GPM6A: variants seen among roughly 807,000 people sequenced by gnomAD.
The protein encoded by GPM6A is neuronal membrane glycoprotein M6-a.
A neutral mutation model predicts 32.1 loss-of-function variants in GPM6A; 7 were observed. The observed-to-expected ratio is 0.22, with a 90% CI of 0.12 to 0.41. GPM6A has a LOEUF of 0.41. GPM6A is among the 10% of genes least tolerant of loss of function. The pLI, the probability that GPM6A is intolerant of heterozygous loss-of-function variation, is 1.00. For synonymous variants in GPM6A, 130 were observed against 123.4 expected (o/e 1.05, Z -0.35); for missense variants, 235 against 347.2 (o/e 0.68, Z 2.57).
At chr4:175,973,127 G>A (rs1740558563) in intron 1 of GPM6A, among the ~76,000 whole-genome samples, 3 of 152,256 alleles carry the variant, frequency 2.0e-5, no homozygotes, top group Middle Eastern at 6.8e-3. Flanking sequence ...AAGGTCCAGA[G>A]GATTTAACTT....
intron 1 of GPM6A, among the ~76,000 whole-genome samples, chr4:175,909,019 A>T (rs1738222393): frequency 1.0e-5 from 1 of 100,410 alleles, no homozygotes; most frequent in Non-Finnish European, 1.9e-5. Context: ...TTTTGCCACT[A>T]GAGGCAGACA....
chr4:175,690,796 C>T (rs570862451), intron 2 of GPM6A, among the ~76,000 whole-genome samples: 2 of 152,234 alleles, frequency 1.3e-5, no homozygotes, highest in Non-Finnish European at 2.9e-5. Context: ...GTCTGTTTTG[C>T]CATAAAAGGT....
chr4:175,701,239 T>C (rs937776874), intron 2 of GPM6A, among the ~76,000 whole-genome samples: 6 of 152,208 alleles, frequency 3.9e-5, no homozygotes, highest in Non-Finnish European at 7.3e-5. Flanking sequence ...GCCAGATTTG[T>C]ACCTGGCACT....
chr4:175,975,379 T>A (rs1740628469), intron 1 of GPM6A, among the ~76,000 whole-genome samples: 1 of 152,230 alleles, frequency 6.6e-6, no homozygotes, highest in South Asian at 2.1e-4. Flanking sequence ...GAGTTGCAGT[T>A]GTCTACTTGC....
chr4:175,633,168 C>G lies in GPM6A; in HGVS notation c.*1737G>C, dbSNP rs1477238706. ...GAAAAGACAGTTTTAGAAATTATCA[C>G]AAACTGTTAAGACACGGAACTGAAA... On this transcript the variant is annotated 3_prime_UTR_variant, in exon 7 of 7. Coordinates refer to ENST00000393658, the MANE Select transcript of GPM6A (RefSeq NM_201591.3). 1 of 152,396 alleles carries G rather than the reference C, an allele frequency of 6.6e-6. No individual in the cohort carries two copies. The highest frequency in any genetic ancestry group is 1.5e-5 in the Non-Finnish European group (1 of 67,886). 9.4% of individuals were successfully genotyped at this position (152,396 alleles called of 1,614,324 possible). A position where few individuals can be genotyped will look rare whatever the true frequency, so the allele number is the denominator to read the frequency against.
chr4:175,992,908 CAGTT>C (rs1365115927), intron 1 of GPM6A, among the ~76,000 whole-genome samples: 1 of 152,104 alleles, frequency 6.6e-6, no homozygotes, highest in Non-Finnish European at 1.5e-5. Flanking sequence ...CATTCTTAGA[CAGTT>C]TGTTTAACTT....
At chr4:175,804,934 A>G (rs1166681856) in intron 1 of GPM6A, among the ~76,000 whole-genome samples, 1 of 152,102 alleles carries the variant, frequency 6.6e-6, no homozygotes, top group Non-Finnish European at 1.5e-5. Context: ...AGTCCCAGCT[A>G]TTCGGGAGGC....
At chr4:175,707,318 A>G (rs1415213011) in intron 1 of GPM6A, among the ~76,000 whole-genome samples, 1 of 152,120 alleles carries the variant, frequency 6.6e-6, no homozygotes, top group Non-Finnish European at 1.5e-5. Flanking sequence ...CCAATACCAC[A>G]CTGCCTTATA....
At chr4:175,955,824 G>GT (rs529026556) in intron 1 of GPM6A, among the ~76,000 whole-genome samples, 29 of 152,256 alleles carry the variant, frequency 1.9e-4, no homozygotes, top group Admixed American at 1.4e-3. Context: ...ATGAAGCAGG[G>GT]TTTTGGAGAG....
intron 1 of GPM6A, among the ~76,000 whole-genome samples, chr4:175,881,845 G>C (rs967013322): frequency 2.0e-5 from 3 of 151,360 alleles, no homozygotes; most frequent in Non-Finnish European, 4.4e-5. Flanking sequence ...CTGTTGCAGG[G>C]TGGGAGGAGG....
At chr4:175,820,501 T>TC (rs1553992474) in intron 1 of GPM6A, among the ~76,000 whole-genome samples, 1 of 1,622 alleles carries the variant, frequency 6.2e-4, no homozygotes, top group Non-Finnish European at 2.7e-3. Flanking sequence ...CTTTTCTTTC[T>TC]TTTTTTTTTT....
intron 4 of GPM6A, among the ~76,000 whole-genome samples, chr4:175,649,144 G>A (rs1741639510): frequency 6.6e-6 from 1 of 152,100 alleles, no homozygotes; most frequent in African/African-American, 2.4e-5. Context: ...TATATCCCTG[G>A]AAAATTATTT....
chr4:175,863,167 A>T (rs1227996494), intron 1 of GPM6A, among the ~76,000 whole-genome samples: 1 of 152,176 alleles, frequency 6.6e-6, no homozygotes, highest in East Asian at 1.9e-4. Flanking sequence ...ATATTAAAAA[A>T]TCACCACACT....
intron 1 of GPM6A, among the ~76,000 whole-genome samples, chr4:175,930,434 G>GGGA (rs1738993630): frequency 1.9e-5 from 2 of 106,768 alleles, no homozygotes; most frequent in Admixed American, 1.1e-4. Context: ...TTGGGGGGGG[G>GGGA]TTTTTTTGTT....
chr4:175,751,420 T>C (rs1732331666), intron 1 of GPM6A, among the ~76,000 whole-genome samples: 1 of 152,184 alleles, frequency 6.6e-6, no homozygotes, highest in Non-Finnish European at 1.5e-5. Context: ...AATATTCTTT[T>C]GTTTATTTTT....
At chr4:175,822,120 G>A (rs1735295327) in intron 1 of GPM6A, among the ~76,000 whole-genome samples, 1 of 152,006 alleles carries the variant, frequency 6.6e-6, no homozygotes, top group African/African-American at 2.4e-5. Flanking sequence ...TATTGAATCA[G>A]AAAAAATGTT....
At chr4:175,745,477 C>G (rs547325396) in intron 1 of GPM6A, among the ~76,000 whole-genome samples, 69 of 152,166 alleles carry the variant, frequency 4.5e-4, no homozygotes, top group Non-Finnish European at 2.5e-4. Context: ...CATTTGTTGC[C>G]CACCATGTGC....
intron 1 of GPM6A, among the ~76,000 whole-genome samples, chr4:175,883,363 A>T (rs1033534738): frequency 7.2e-5 from 11 of 152,170 alleles, no homozygotes; most frequent in Non-Finnish European, 1.2e-4. Flanking sequence ...TTAATAATAT[A>T]CTTTAACCAA....
At chr4:175,810,122 T>C (rs1043176439) in intron 1 of GPM6A, among the ~76,000 whole-genome samples, 2 of 152,204 alleles carry the variant, frequency 1.3e-5, no homozygotes, top group Non-Finnish European at 2.9e-5. Flanking sequence ...ACCTAAACTC[T>C]TGAAAAATCT....
Sources: allele counts gnomAD v4.1 joint callset (sites outside exome capture counted in the v4.1 genomes callset), GRCh38; gene constraint gnomAD v4.1.1; transcripts MANE v1.5; gene names NCBI Gene and HGNC (gene_info 2026-07-23, HGNC 2026-07-21).